Variants in QKI observed in about 807,000 individuals in gnomAD.
QKI encodes QKI, KH domain containing RNA binding, also known as KH domain-containing RNA-binding protein QKI.
A neutral mutation model predicts 39.0 loss-of-function variants in QKI; 10 were observed. That is an observed-to-expected ratio of 0.26 (90% CI 0.16 to 0.43). The LOEUF (loss-of-function observed/expected upper bound fraction) is 0.43, where lower values mean the gene tolerates loss of function less well. Ranked by LOEUF, QKI falls within the 20% of genes least tolerant of loss-of-function variation. QKI has a pLI of 1.00. For synonymous variants in QKI, 204 were observed against 155.4 expected (o/e 1.31, Z -2.33); for missense variants, 218 against 428.0 (o/e 0.51, Z 4.33).
At chr6:163,563,338 C>A in intron 5 of QKI, 82 bp from the exon 6 acceptor site, 2 of 1,289,144 alleles carry the variant, frequency 1.6e-6, no homozygotes, top group Middle Eastern at 2.0e-4. Context: ...CTTTTCCTTT[C>A]TTTTTCCTAC....
chr6:163,573,431 T>C lies in QKI; in HGVS notation c.*2721T>C, dbSNP rs1014387064. ...CTATGTATGTACCATAACCAACCTA[T>C]TGCCTATGAGAAACATGTAAGATAA... On this transcript the variant is annotated 3_prime_UTR_variant, in exon 8 of 8. Coordinates refer to ENST00000361752, the MANE Select transcript of QKI (RefSeq NM_006775.3). 6.6e-6 allele frequency: 1 copy of C among 152,178 alleles called. No individual in the cohort carries two copies. Among genetic ancestry groups the C allele is most frequent in the African/African-American group, 2.4e-5 (1 of 41,456 alleles). The allele number at this position is 152,178 out of a possible 1,614,324, so 9.4% of individuals were successfully genotyped here. A position where few individuals can be genotyped will look rare whatever the true frequency, so the allele number is the denominator to read the frequency against.
At chr6:163,534,455 A>G (rs1415091164) in intron 3 of QKI, among the ~76,000 whole-genome samples, 1 of 152,222 alleles carries the variant, frequency 6.6e-6, no homozygotes, top group Non-Finnish European at 1.5e-5. Flanking sequence ...CATTAAAAGC[A>G]GTTGTAATGA....
At chr6:163,541,323 A>C (rs1225882129) in intron 4 of QKI, among the ~76,000 whole-genome samples, 1 of 152,046 alleles carries the variant, frequency 6.6e-6, no homozygotes, top group Non-Finnish European at 1.5e-5. Flanking sequence ...GTATTTGATA[A>C]GATGGTAGTC....
chr6:163,514,215 A>C (rs1329234834), intron 3 of QKI, among the ~76,000 whole-genome samples: 1 of 152,162 alleles, frequency 6.6e-6, no homozygotes, highest in African/African-American at 2.4e-5. Flanking sequence ...TCGGGTTTCA[A>C]AAAAACCTTA....
At chr6:163,453,985 C>T (rs1359511847) in intron 1 of QKI, among the ~76,000 whole-genome samples, 2 of 152,012 alleles carry the variant, frequency 1.3e-5, no homozygotes, top group African/African-American at 4.8e-5. Context: ...TTAAAGAGTG[C>T]CTTCATATTT....
chr6:163,550,233 C>T (rs1457933951), intron 4 of QKI, among the ~76,000 whole-genome samples: 5 of 152,116 alleles, frequency 3.3e-5, no homozygotes, highest in African/African-American at 4.8e-5. Context: ...CCTGGGGCAG[C>T]GCAGGCACTA....
rs1023714852 is a variant in QKI at position 163,487,598 on chromosome 6, C to G, written c.402+8702C>G. The stretch of plus-strand genomic sequence containing the variant: ...AGATCTCTTAAGCCACTTCCCAAAC[C>G]TCCATTTCTCTTTCTTGGCTTCACT... On this transcript the variant is annotated intron_variant, in intron 3 of 7. Transcript: ENST00000361752. Among the ~76,000 whole-genome samples, 2 of 151,920 alleles carry G rather than the reference C, an allele frequency of 1.3e-5. 1 individual carries two copies. Among genetic ancestry groups the G allele is most frequent in the South Asian group, 4.2e-4 (2 of 4,810 alleles).
intron 3 of QKI, among the ~76,000 whole-genome samples, chr6:163,480,259 TTCTC>T (rs372934674): frequency 3.3e-4 from 50 of 149,546 alleles, no homozygotes; most frequent in East Asian, 5.8e-4. Context: ...GTCTGTCTCT[TTCTC>T]TCTCTCTCTC....
chr6:163,472,670 A>G (rs886716729), intron 2 of QKI, among the ~76,000 whole-genome samples: 5 of 152,240 alleles, frequency 3.3e-5, no homozygotes, highest in Admixed American at 6.5e-5. Context: ...AAGGATGGCT[A>G]TTACATATAA....
chr6:163,518,236 C>T (rs1429484304), intron 3 of QKI, among the ~76,000 whole-genome samples: 1 of 152,072 alleles, frequency 6.6e-6, no homozygotes, highest in Non-Finnish European at 1.5e-5. Flanking sequence ...TAGTTGAGTT[C>T]ATTTCTTTAT....
chr6:163,457,527 T>C (rs145755777), intron 2 of QKI: 18 of 449,406 alleles, frequency 4.0e-5, no homozygotes, highest in Middle Eastern at 3.3e-4. Context: ...CCCCTTTCCA[T>C]ACTTATTGAA....
rs143182957 is a variant in QKI, at chr6:163,549,007, T to A, written c.547-12975T>A. Among the ~76,000 whole-genome samples the A allele has an allele frequency of 2.2e-3, 331 of 152,320 alleles. 1 individual carries two copies. The highest frequency in any genetic ancestry group is 7.7e-3 in the African/African-American group (322 of 41,572). Reference sequence around the variant, plus strand: ...ATGGATAGTGCTGTATTCACTGTAATTATAGAATATGGTTGCTGACTGGGT... The same window carrying A: ...ATGGATAGTGCTGTATTCACTGTAAATATAGAATATGGTTGCTGACTGGGT... On this transcript the variant is annotated intron_variant, in intron 4 of 7. Transcript: ENST00000361752.
chr6:163,423,638 C>T (rs1788181386), intron 1 of QKI: 1 of 152,188 alleles, frequency 6.6e-6, no homozygotes. Flanking sequence ...CTGTGATATG[C>T]TGGTTTTGAA....
At chr6:163,536,649 T>C (rs1043036691) in intron 4 of QKI, among the ~76,000 whole-genome samples, 6 of 152,230 alleles carry the variant, frequency 3.9e-5, no homozygotes, top group Non-Finnish European at 8.8e-5. Flanking sequence ...TTTTTATTTC[T>C]AGTGTTTAGC....
At chr6:163,530,524 A>G (rs941202513) in intron 3 of QKI, among the ~76,000 whole-genome samples, 4 of 152,206 alleles carry the variant, frequency 2.6e-5, no homozygotes, top group African/African-American at 7.2e-5. Context: ...TCACAGGGAG[A>G]AATAGTATTT....
At chr6:163,521,975 G>T (rs1275298996) in intron 3 of QKI, among the ~76,000 whole-genome samples, 3 of 152,058 alleles carry the variant, frequency 2.0e-5, no homozygotes, top group Non-Finnish European at 4.4e-5. Flanking sequence ...TGGAATTAAG[G>T]GGAATCCCTG....
intron 1 of QKI, among the ~76,000 whole-genome samples, chr6:163,427,276 G>A (rs539451885): frequency 1.8e-3 from 186 of 101,396 alleles, no homozygotes; most frequent in African/African-American, 6.7e-3. Flanking sequence ...GCTGGCCACA[G>A]CTAAACTAAT....
intron 4 of QKI, among the ~76,000 whole-genome samples, chr6:163,552,146 A>T (rs1159587729): frequency 1.3e-5 from 2 of 151,916 alleles, no homozygotes; most frequent in African/African-American, 4.8e-5. Flanking sequence ...GAAAATCAGA[A>T]GGAAGATAAA....
At chr6:163,562,605 CTATG>C (rs1223808321) in intron 5 of QKI, among the ~76,000 whole-genome samples, 1 of 152,038 alleles carries the variant, frequency 6.6e-6, no homozygotes, top group African/African-American at 2.4e-5. Context: ...TTATGCGTAT[CTATG>C]CATGTTTTTA....
Sources: allele counts gnomAD v4.1 joint callset (sites outside exome capture counted in the v4.1 genomes callset), GRCh38; gene constraint gnomAD v4.1.1; transcripts MANE v1.5; gene names NCBI Gene and HGNC (gene_info 2026-07-23, HGNC 2026-07-21).